The following DNAJC21 variants were observed in gnomAD, a reference collection of about 807,000 sequenced individuals.
DNAJC21 encodes the protein dnaJ homolog subfamily C member 21.
Under a neutral mutation model 72.4 loss-of-function variants are expected in DNAJC21, and 63 were observed. That is an observed-to-expected ratio of 0.87 (90% confidence interval 0.71 to 1.07). The LOEUF is 1.07. Among genes scored for constraint, DNAJC21 ranks in the 50% least tolerant of loss-of-function variants. The pLI, the probability that DNAJC21 is intolerant of heterozygous loss-of-function variation, is 0.00. For synonymous variants in DNAJC21, 203 were observed against 216.7 expected (o/e 0.94, Z 0.56); for missense variants, 634 against 644.8 (o/e 0.98, Z 0.18).
chr5:34,943,083 A>T (rs1388292652), intron 7 of DNAJC21, among the ~76,000 whole-genome samples: 1 of 152,198 alleles, frequency 6.6e-6, no homozygotes, highest in Admixed American at 6.5e-5. Flanking sequence ...TAAAAAAAAA[A>T]AGTAAGGTTA....
chr5:34,936,359 C>G, intron 4 of DNAJC21, 93 bp downstream of exon 4: 2 of 1,460,382 alleles, frequency 1.4e-6, no homozygotes, highest in South Asian at 2.6e-5. Flanking sequence ...CACTCTGTCA[C>G]CCAGGCTGCA....
rs1001609566 is a variant in DNAJC21, at chr5:34,958,820, T to C, written c.*4106T>C. ...CATGTATGTGGGTTAAATCTATTGA[T>C]ATTTTCTGTTAGAATTTAAAAATTA... On this transcript the variant is annotated 3_prime_UTR_variant, in exon 12 of 12. Coordinates refer to ENST00000648817, the MANE Select transcript of DNAJC21 (RefSeq NM_001012339.3). The C allele has an allele frequency of 2.0e-5, 3 of 152,236 alleles. No individual in the cohort carries two copies. The highest frequency in any genetic ancestry group is 4.4e-5 in the Non-Finnish European group (3 of 68,036). The allele number at this position is 152,236 out of a possible 1,614,324, so 9.4% of individuals were successfully genotyped here. A position where few individuals can be genotyped will look rare whatever the true frequency, so the allele number is the denominator to read the frequency against.
rs1425719311 is a variant in DNAJC21 at position 34,950,291 on chromosome 5, G to C, written c.1307G>C (p.Ser436Thr). ...GAAGATAGTCCCCAGGAAAATGTCA[G>C]TGTCACAGAGATCATTAAACCATGT... ...ELEDSPQENV[S>T]VTEIIKPCDD... Residue 436 changes from serine to threonine, a missense_variant, in exon 10 of 12, where the codon AGT (serine) becomes ACT (threonine). By Grantham distance (58) the Ser-to-Thr change is moderately conservative (BLOSUM62 1). Transcript: ENST00000648817. The C allele has an allele frequency of 1.2e-6, 2 of 1,613,758 alleles. No homozygotes were observed. Among genetic ancestry groups the C allele is most frequent in the African/African-American group, 1.3e-5 (1 of 75,016 alleles).
At chr5:34,951,246 G>C (rs974520818) in intron 10 of DNAJC21, 2 of 985,334 alleles carry the variant, frequency 2.0e-6, no homozygotes, top group Non-Finnish European at 2.4e-6. Flanking sequence ...TTGAAGCCTA[G>C]AAAGGGAAAT....
At chr5:34,948,666 A>T (rs1021785991) in intron 9 of DNAJC21, among the ~76,000 whole-genome samples, 1 of 152,228 alleles carries the variant, frequency 6.6e-6, no homozygotes, top group Non-Finnish European at 1.5e-5. Flanking sequence ...GGAGTTCAAG[A>T]TCAGCTTGGC....
chr5:34,934,743 C>T (rs1234417789), intron 2 of DNAJC21, among the ~76,000 whole-genome samples: 2 of 152,146 alleles, frequency 1.3e-5, no homozygotes, highest in Non-Finnish European at 2.9e-5. Context: ...TTTGACATAA[C>T]TGTGCAAGAT....
intron 5 of DNAJC21, 39 bp downstream of exon 5, chr5:34,937,669 G>C: frequency 6.4e-7 from 1 of 1,571,628 alleles, no homozygotes. Flanking sequence ...CAGTATCGGT[G>C]GGGGTCAGAG....
At chr5:34,939,088 C>A in intron 6 of DNAJC21, 79 bp downstream of exon 6, 3 of 1,296,028 alleles carry the variant, frequency 2.3e-6, no homozygotes, top group South Asian at 1.6e-5. Flanking sequence ...TGACATCTCC[C>A]AATTTTTAAA....
intron 6 of DNAJC21, among the ~76,000 whole-genome samples, chr5:34,940,452 A>G (rs911950761): frequency 2.6e-5 from 4 of 152,228 alleles, no homozygotes; most frequent in Non-Finnish European, 5.9e-5. Flanking sequence ...TATTGGTCCT[A>G]TAATAAATCC....
At position 34,952,121 on chromosome 5, in the gene DNAJC21, A is replaced by C. The variant is rs866933892; in HGVS notation, c.1358+1779A>C. 2.8e-5 allele frequency: 27 copies of C among 949,276 alleles called. No homozygotes were observed. In the African/African-American group the frequency reaches 4.9e-4, roughly 17 times the overall value. The allele number at this position is 949,276 out of a possible 1,614,324, so 58.8% of individuals were successfully genotyped here. A position where few individuals can be genotyped will look rare whatever the true frequency, so the allele number is the denominator to read the frequency against. On this transcript the variant is annotated intron_variant, in intron 10 of 11. Transcript: ENST00000648817. ...ACCTACTGAGAAGTGTTTTTTTAAA[A>C]AATGTGTGTGTGTGTGTGTGTGTGT... is the stretch of plus-strand genomic sequence containing the variant.
At chr5:34,932,776 C>G (rs1443953771) in intron 1 of DNAJC21, among the ~76,000 whole-genome samples, 1 of 152,260 alleles carries the variant, frequency 6.6e-6, no homozygotes, top group Non-Finnish European at 1.5e-5. Context: ...CCAGCTTCTC[C>G]ATAGGCAGCC....
chr5:34,933,983 C>G, intron 2 of DNAJC21, 75 bp downstream of exon 2: 2 of 1,310,372 alleles, frequency 1.5e-6, no homozygotes, highest in South Asian at 2.7e-5. Context: ...GTTGTTTTTT[C>G]AAATTTAGTA....
Position 34,956,077 on chromosome 5 carries a change from A to G in DNAJC21, c.*1363A>G, listed in dbSNP as rs1212778696. On this transcript the variant is annotated 3_prime_UTR_variant, in exon 12 of 12. Coordinates refer to ENST00000648817, the MANE Select transcript of DNAJC21 (RefSeq NM_001012339.3). ...CAAAAAAAAAAAAAAAAAAAAAAAG[A>G]AAGTAATTTTAAACTCACTGGCTTG... 2 of 148,746 alleles carry G rather than the reference A, an allele frequency of 1.3e-5. No individual in the cohort carries two copies. Among genetic ancestry groups the G allele is most frequent in the East Asian group, 3.9e-4 (2 of 5,096 alleles). The allele number at this position is 148,746 out of a possible 1,614,324, so 9.2% of individuals were successfully genotyped here. A position where few individuals can be genotyped will look rare whatever the true frequency, so the allele number is the denominator to read the frequency against.
At position 34,929,698 on chromosome 5, in the gene DNAJC21, G is replaced by A; in HGVS notation, c.-122G>A. 2 of 268,048 alleles carry A rather than the reference G, an allele frequency of 7.5e-6. No individual in the cohort carries two copies. The highest frequency in any genetic ancestry group is 1.1e-5 in the Non-Finnish European group (2 of 174,450). The allele number at this position is 268,048 out of a possible 1,614,324, so 16.6% of individuals were successfully genotyped here. A position where few individuals can be genotyped will look rare whatever the true frequency, so the allele number is the denominator to read the frequency against. On this transcript the variant is annotated 5_prime_UTR_variant, in exon 1 of 12. Transcript: ENST00000648817. The stretch of plus-strand genomic sequence containing the variant: ...CGCCGCCGGGCTCGCTGGCTGGCCC[G>A]GTGCGGGCGGCGGACTCCCGCCGGA...
In DNAJC21 at chr5:34,929,872, A is replaced by G; in HGVS notation, c.53A>G (p.Glu18Gly). The G allele has an allele frequency of 6.3e-7, 1 of 1,575,612 alleles. No individual in the cohort carries two copies. The highest frequency in any genetic ancestry group is 1.7e-5 in the Admixed American group (1 of 57,172). The change falls in exon 1 of 12, where the codon GAG (glutamate) becomes GGG (glycine). Residue 18 changes from glutamate to glycine, a missense_variant. Transcript: ENST00000648817. ...GTGCGGCGCGACGCCAGCGAGGAGG[A>G]GCTCAAGAAGGCCTATCGGAAGCTG... ...LGVRRDASEE[E>G]LKKAYRKLAL...
chr5:34,950,459 C>T, intron 10 of DNAJC21, 117 bp downstream of exon 10: 2 of 1,447,354 alleles, frequency 1.4e-6, no homozygotes, highest in South Asian at 3.1e-5. Flanking sequence ...TTAGATGTAT[C>T]TGTACATATT....
At position 34,934,466 on chromosome 5, in the gene DNAJC21, A is replaced by G. The variant is rs1764704316; in HGVS notation, c.191+558A>G. On this transcript the variant is annotated intron_variant, in intron 2 of 11. Coordinates refer to ENST00000648817, the MANE Select transcript of DNAJC21 (RefSeq NM_001012339.3). ...GGCTGGTCTCAAACTCCTGACCTCA[A>G]GCAATCCACCTGCCTTGACCTCCCA... Among the ~76,000 whole-genome samples, 9 of 151,652 alleles carry G rather than the reference A, an allele frequency of 5.9e-5. No homozygotes were observed. In the South Asian group the frequency reaches 1.9e-3, roughly 32 times the overall value.
intron 1 of DNAJC21, among the ~76,000 whole-genome samples, chr5:34,932,010 A>G (rs1300470931): frequency 1.3e-5 from 2 of 152,252 alleles, no homozygotes; most frequent in African/African-American, 2.4e-5. Context: ...AATGGGCAGC[A>G]GGAAGCCCTG....
chr5:34,940,409 A>T (rs1337657278), intron 6 of DNAJC21, among the ~76,000 whole-genome samples: 1 of 152,238 alleles, frequency 6.6e-6, no homozygotes, highest in African/African-American at 2.4e-5. Context: ...TAAATAACCA[A>T]CATGTAGAAT....
Sources: gnomAD v4.1 joint callset for allele counts (sites outside exome capture counted in the v4.1 genomes callset) on GRCh38, gnomAD v4.1.1 for gene constraint, MANE v1.5 for transcripts, NCBI Gene and HGNC (gene_info 2026-07-23, HGNC 2026-07-21) for gene names.